ABHD18: variants seen among roughly 807,000 people sequenced by gnomAD.
The protein encoded by ABHD18 is abhydrolase domain containing 18, also known as cardiolipin-specific deacylase, mitochondrial.
Under a neutral mutation model 65.9 loss-of-function variants are expected in ABHD18, and 55 were observed. The ratio of observed to expected loss-of-function variants is 0.84; its 90% CI spans 0.67 to 1.05. The LOEUF (loss-of-function observed/expected upper bound fraction) is 1.05. ABHD18 is among the 50% of genes least tolerant of loss of function. The pLI is 0.00. For missense variants in ABHD18, 533 were observed against 558.5 expected, an observed-to-expected ratio of 0.95 and a Z score of 0.46; for synonymous variants, 181 against 180.2, an observed-to-expected ratio of 1.00 and a Z score of -0.04.
chr4:128,016,476 T>C (rs1207223664), intron 7 of ABHD18, among the ~76,000 whole-genome samples: 1 of 152,202 alleles, frequency 6.6e-6, no homozygotes, highest in Non-Finnish European at 1.5e-5. Context: ...TTGCCTTTTT[T>C]AAAAGTTATG....
intron 6 of ABHD18, among the ~76,000 whole-genome samples, chr4:128,010,918 A>AC (rs1293962521): frequency 6.6e-6 from 1 of 151,938 alleles, no homozygotes. Context: ...AAAAAAAAAA[A>AC]AAAACCGTGG....
At chr4:128,012,612 G>C (rs1382753689) in intron 7 of ABHD18, among the ~76,000 whole-genome samples, 1 of 152,098 alleles carries the variant, frequency 6.6e-6, no homozygotes, top group Non-Finnish European at 1.5e-5. Flanking sequence ...GAGTAATATG[G>C]GATGCAGTGT....
rs1491380654 is a variant in ABHD18, at chr4:128,039,144, C to CGTGTGTGTATATATATAT, written c.*3331_*3332insGTGTGTGTATATATATAT. 2.0e-5 allele frequency: 2 copies of CGTGTGTGTATATATATAT among 99,762 alleles called. No individual in the cohort carries two copies. Among genetic ancestry groups the CGTGTGTGTATATATATAT allele is most frequent in the African/African-American group, 7.5e-5 (2 of 26,780 alleles). The allele number at this position is 99,762 out of a possible 1,614,324, so 6.2% of individuals were successfully genotyped here. Reference sequence around the variant, plus strand: ...TATGTATTATATATACACACATATGCATATATATATATATATATATATATA... The same window carrying CGTGTGTGTATATATATAT: ...TATGTATTATATATACACACATATGCGTGTGTGTATATATATATATATATATATATATATATATATATA... On this transcript the variant is annotated 3_prime_UTR_variant, in exon 13 of 13. Transcript: ENST00000645843.
rs546329778 is a variant in ABHD18 at position 127,988,101 on chromosome 4, G to A, written c.178-1620G>A. Among the ~76,000 whole-genome samples the A allele has an allele frequency of 1.1e-4, 16 of 152,272 alleles. No individual in the cohort carries two copies. In the South Asian group the frequency reaches 3.3e-3, roughly 32 times the overall value. ...CCTAATGAAGGATTGAAAATAACTT[G>A]TAGAAATATATGGATATTTAGTACA... On this transcript the variant is annotated intron_variant, in intron 3 of 12. Transcript: ENST00000645843.
chr4:127,998,655 C>T (rs184894729), intron 4 of ABHD18, among the ~76,000 whole-genome samples: 229 of 151,888 alleles, frequency 1.5e-3, no homozygotes, highest in African/African-American at 3.4e-3. Flanking sequence ...TATAGGTGTG[C>T]GCCATTGCAT....
chr4:128,016,442 G>A (rs1755505259), intron 7 of ABHD18, among the ~76,000 whole-genome samples: 1 of 152,136 alleles, frequency 6.6e-6, no homozygotes, highest in Non-Finnish European at 1.5e-5. Context: ...TGAGCCTAGT[G>A]TTTGGTTAAA....
At chr4:128,009,249 G>C in intron 6 of ABHD18, 58 bp downstream of exon 6, 1 of 1,128,958 alleles carries the variant, frequency 8.9e-7, no homozygotes, top group Non-Finnish European at 1.2e-6. Flanking sequence ...GATATATTTA[G>C]TCATCAAAAG....
chr4:127,984,442 C>CA lies in ABHD18; in HGVS notation c.177+20dup. ...TGATAAGGTATTCAAATGAGAGAAA[C>CA]ACAGTTATAGGAATTGTGGTTTGAC... On this transcript the variant is annotated intron_variant, in intron 3 of 12. Coordinates refer to ENST00000645843, the MANE Select transcript of ABHD18 (RefSeq NM_001358451.3). 1 of 1,409,848 alleles carries CA rather than the reference C, an allele frequency of 7.1e-7. No homozygotes were observed. The highest frequency in any genetic ancestry group is 1.3e-5 in the South Asian group (1 of 74,612). 87.3% of individuals were successfully genotyped at this position (1,409,848 alleles called of 1,614,324 possible). A position where few individuals can be genotyped will look rare whatever the true frequency, so the allele number is the denominator to read the frequency against.
chr4:127,998,627 C>T (rs1464480803), intron 4 of ABHD18, among the ~76,000 whole-genome samples: 1 of 151,874 alleles, frequency 6.6e-6, no homozygotes, highest in Non-Finnish European at 1.5e-5. Context: ...ACCCATCAGC[C>T]TCCCAAGTAG....
At chr4:128,033,068 A>G (rs532281200) in intron 12 of ABHD18, among the ~76,000 whole-genome samples, 9 of 152,208 alleles carry the variant, frequency 5.9e-5, no homozygotes. Context: ...CCTGGCTAAC[A>G]TGGTGAAACC....
intron 4 of ABHD18, among the ~76,000 whole-genome samples, chr4:128,000,926 T>G (rs1474061648): frequency 6.6e-6 from 1 of 152,204 alleles, no homozygotes; most frequent in Non-Finnish European, 1.5e-5. Context: ...GTTCTTGATT[T>G]GGCTCTCAGC....
Position 128,028,859 on chromosome 4 carries a change from A to C in ABHD18, c.1180+6A>C. On this transcript the variant is annotated splice_donor_region_variant and intron_variant, in intron 11 of 12. Coordinates refer to ENST00000645843, the MANE Select transcript of ABHD18 (RefSeq NM_001358451.3). ...TCATGTAGCAAATTTCTCAGGTACT[A>C]ATTTTTATATGAAATTGAGAATATT... The C allele has an allele frequency of 6.6e-7, 1 of 1,521,064 alleles. No homozygotes were observed. The highest frequency in any genetic ancestry group is 8.8e-7 in the Non-Finnish European group (1 of 1,136,156). 94.2% of individuals were successfully genotyped at this position (1,521,064 alleles called of 1,614,324 possible). A position where few individuals can be genotyped will look rare whatever the true frequency, so the allele number is the denominator to read the frequency against.
intron 3 of ABHD18, among the ~76,000 whole-genome samples, chr4:127,984,774 CA>C (rs1173044725): frequency 1.3e-5 from 2 of 152,164 alleles, no homozygotes; most frequent in Non-Finnish European, 2.9e-5. Context: ...GCAGGAGAAT[CA>C]CTTGAACCCC....
intron 4 of ABHD18, among the ~76,000 whole-genome samples, chr4:128,008,461 G>A (rs575422125): frequency 5.3e-5 from 8 of 151,546 alleles, no homozygotes; most frequent in Non-Finnish European, 7.4e-5. Flanking sequence ...TTTTAGTAGC[G>A]ACGGGGTTTC....
At chr4:128,002,738 A>G (rs1160363391) in intron 4 of ABHD18, among the ~76,000 whole-genome samples, 3 of 151,480 alleles carry the variant, frequency 2.0e-5, no homozygotes, top group African/African-American at 7.3e-5. Context: ...CTGTCTCCTG[A>G]GTTCAAGTGA....
chr4:128,033,209 G>A (rs1002005127), intron 12 of ABHD18, among the ~76,000 whole-genome samples: 2 of 151,816 alleles, frequency 1.3e-5, no homozygotes, highest in African/African-American at 2.4e-5. Flanking sequence ...AGCCGAGATC[G>A]CACCACTGCA....
At chr4:127,996,294 A>G (rs1751722806) in intron 4 of ABHD18, among the ~76,000 whole-genome samples, 1 of 152,102 alleles carries the variant, frequency 6.6e-6, no homozygotes, top group Non-Finnish European at 1.5e-5. Flanking sequence ...TATTTTCCCT[A>G]AGTGTCAGCT....
chr4:128,017,669 T>G (rs1277402410), intron 8 of ABHD18, among the ~76,000 whole-genome samples, 168 bp downstream of exon 8: 2 of 152,182 alleles, frequency 1.3e-5, no homozygotes, highest in Non-Finnish European at 2.9e-5. Flanking sequence ...TGATGTTAAT[T>G]TTTTGTACGA....
At chr4:128,012,717 A>G (rs900532768) in intron 7 of ABHD18, among the ~76,000 whole-genome samples, 7 of 152,094 alleles carry the variant, frequency 4.6e-5, no homozygotes, top group African/African-American at 1.7e-4. Flanking sequence ...GGAAAAGTAA[A>G]TGAAAAGCCC....
Sources: gnomAD v4.1 joint callset for allele counts (sites outside exome capture counted in the v4.1 genomes callset) on GRCh38, gnomAD v4.1.1 for gene constraint, MANE v1.5 for transcripts, NCBI Gene and HGNC (gene_info 2026-07-23, HGNC 2026-07-21) for gene names.